Variants in ABR observed in about 807,000 individuals in gnomAD.
ABR encodes ABR activator of RhoGEF and GTPase.
A neutral mutation model predicts 107.2 loss-of-function variants in ABR; 35 were observed. That is an observed-to-expected ratio of 0.33 (90% CI 0.25 to 0.43). The LOEUF (loss-of-function observed/expected upper bound fraction) is 0.43, where lower values mean the gene tolerates loss of function less well. Among genes scored for constraint, ABR ranks in the 20% least tolerant of loss-of-function variants. The probability of loss-of-function intolerance (pLI) is 1.00; values close to 1 mark genes in which losing one functional copy is unlikely to be tolerated. For synonymous variants in ABR, 498 were observed against 462.0 expected (o/e 1.08, Z -1.00); for missense variants, 815 against 1,115.2 (o/e 0.73, Z 3.83).
chr17:1,211,717 C>A (rs1169715508), intron 1 of ABR, among the ~76,000 whole-genome samples: 2 of 152,208 alleles, frequency 1.3e-5, no homozygotes, highest in Non-Finnish European at 2.9e-5. Flanking sequence ...ACCCCAGAAC[C>A]TGCATCCTTT....
At chr17:1,184,660 T>C (rs1387000940), upstream of ABR, among the ~76,000 whole-genome samples, 2 of 92,662 alleles carry the variant, frequency 2.2e-5, no homozygotes, top group African/African-American at 4.5e-5. Context: ...CTAACAGTTA[T>C]TGAGTGCTTT....
chr17:1,148,901 TTTTG>T lies in ABR; in HGVS notation c.62-23538_62-23535del, dbSNP rs1364617095. ...GCCATGATTTTCTTTTGTTTTTTGT[TTTTG>T]TTTTTGTTTTTTTTGAGACAGAGTC... On this transcript the variant is annotated intron_variant, in intron 1 of 22. Transcript: ENST00000302538. This position sits in a 1 kb window ranked among gnomAD's most constrained non-coding sequence, Gnocchi z 4.9. 7.9e-5 allele frequency among the ~76,000 whole-genome samples: 12 copies of T among 151,894 alleles called. No individual in the cohort carries two copies. Among genetic ancestry groups the T allele is most frequent in the Admixed American group, 3.3e-4 (5 of 15,256 alleles).
intron 1 of ABR, among the ~76,000 whole-genome samples, chr17:1,226,483 A>T (rs2043217343): frequency 6.9e-6 from 1 of 145,068 alleles, no homozygotes; most frequent in African/African-American, 2.7e-5. Context: ...GCACTGTGCC[A>T]TGTGTATACG....
intron 10 of ABR, among the ~76,000 whole-genome samples, chr17:1,061,386 A>C (rs573374489): frequency 6.6e-6 from 1 of 152,188 alleles, no homozygotes; most frequent in Non-Finnish European, 1.5e-5. Context: ...ATGTACCACC[A>C]GTTGGACCCT....
At chr17:1,040,082 G>A (rs557738537) in intron 16 of ABR, among the ~76,000 whole-genome samples, 1 of 152,300 alleles carries the variant, frequency 6.6e-6, no homozygotes, top group East Asian at 1.9e-4. Context: ...GAAGCACTGA[G>A]GACCCACGTT....
intron 2 of ABR, among the ~76,000 whole-genome samples, chr17:1,113,893 T>G (rs1262674118): frequency 6.6e-6 from 1 of 152,086 alleles, no homozygotes; most frequent in African/African-American, 2.4e-5. Context: ...ATAGGCCGGG[T>G]GCAGTGGCTT....
chr17:1,177,657 G>A (rs2041962493), intron 1 of ABR, among the ~76,000 whole-genome samples: 1 of 152,174 alleles, frequency 6.6e-6, no homozygotes, highest in Non-Finnish European at 1.5e-5. Context: ...GCTAGAGACA[G>A]GGTTCCATAC....
chr17:1,052,215 AAC>A (rs1175470704), intron 14 of ABR, among the ~76,000 whole-genome samples: 2 of 151,680 alleles, frequency 1.3e-5, no homozygotes, highest in African/African-American at 4.8e-5. Context: ...GCAGGTGAAC[AAC>A]ACAGAGGCCC....
chr17:1,152,866 G>A (rs750906487), intron 1 of ABR, among the ~76,000 whole-genome samples: 6 of 152,028 alleles, frequency 3.9e-5, no homozygotes, highest in Non-Finnish European at 8.8e-5. Flanking sequence ...GGCCAAGGTG[G>A]GTGGATCACA....
chr17:1,203,340 C>CG (rs1271920025), intron 1 of ABR, among the ~76,000 whole-genome samples: 2 of 45,006 alleles, frequency 4.4e-5, no homozygotes, highest in East Asian at 8.9e-4. Context: ...GCGGGGTCCG[C>CG]GGGGAGGAGC....
intron 2 of ABR, among the ~76,000 whole-genome samples, chr17:1,111,997 G>A (rs1450064744): frequency 2.6e-5 from 4 of 151,710 alleles, no homozygotes; most frequent in African/African-American, 7.3e-5. Context: ...GCCATCTTAC[G>A]AGTCTTCCTT....
At chr17:1,073,771 T>C in intron 6 of ABR, 94 bp from the exon 7 acceptor site, 2 of 1,149,958 alleles carry the variant, frequency 1.7e-6, no homozygotes, top group South Asian at 3.2e-5. Flanking sequence ...CCCGCATGCT[T>C]CCCACGTGAA....
intron 21 of ABR, 73 bp downstream of exon 21, chr17:1,009,606 G>A: frequency 2.2e-6 from 3 of 1,375,118 alleles, no homozygotes; most frequent in South Asian, 1.2e-5. Context: ...GAGGAGGTGG[G>A]GTTGGGGCCC....
At chr17:1,124,302 G>C (rs2039490173) in intron 2 of ABR, among the ~76,000 whole-genome samples, 1 of 152,150 alleles carries the variant, frequency 6.6e-6, no homozygotes, top group South Asian at 2.1e-4. Context: ...TGCTCCTCTG[G>C]GGACGTCAGA....
At chr17:1,100,576 C>G (rs1041919486) in intron 3 of ABR, 61 bp downstream of exon 3, 1 of 1,507,606 alleles carries the variant, frequency 6.6e-7, no homozygotes, top group African/African-American at 1.4e-5. Context: ...AGCTTCAGAG[C>G]ATGACATCAC....
At chr17:1,220,115 T>C (rs906787811) in intron 1 of ABR, among the ~76,000 whole-genome samples, 20 of 151,014 alleles carry the variant, frequency 1.3e-4, no homozygotes, top group African/African-American at 3.9e-4. Flanking sequence ...CATGGTGAAA[T>C]CCCATCTCTA....
intron 2 of ABR, among the ~76,000 whole-genome samples, chr17:1,116,734 A>G (rs1315831726): frequency 5.2e-5 from 3 of 57,632 alleles, no homozygotes; most frequent in African/African-American, 1.5e-4. Flanking sequence ...TTCATCTACT[A>G]AACGGGGGCA....
intron 1 of ABR, among the ~76,000 whole-genome samples, chr17:1,226,728 T>C (rs972579658): frequency 6.8e-6 from 1 of 147,870 alleles, no homozygotes; most frequent in African/African-American, 2.5e-5. Context: ...TATGTGGCAG[T>C]GTGTCACGTA....
At chr17:1,226,599 C>T (rs1014611276) in intron 1 of ABR, among the ~76,000 whole-genome samples, 1 of 149,144 alleles carries the variant, frequency 6.7e-6, no homozygotes, top group South Asian at 2.1e-4. Flanking sequence ...GCACTGTGCA[C>T]ATGTACATAT....
Sources: gnomAD v4.1 joint callset for allele counts (sites outside exome capture counted in the v4.1 genomes callset) on GRCh38, gnomAD v4.1.1 for gene constraint, Gnocchi (gnomAD v3.1) non-coding constraint, MANE v1.5 for transcripts, NCBI Gene and HGNC (gene_info 2026-07-23, HGNC 2026-07-21) for gene names.